The following SEMA6D variants were observed in gnomAD, a reference collection of about 807,000 sequenced individuals.
SEMA6D encodes the protein semaphorin 6D, also known as semaphorin-6D.
A neutral mutation model predicts 106.6 loss-of-function variants in SEMA6D; 35 were observed. That is an observed-to-expected ratio of 0.33 (90% confidence interval 0.25 to 0.44). The LOEUF is 0.44. SEMA6D is among the 20% of genes least tolerant of loss of function. The probability of loss-of-function intolerance (pLI) is 1.00; values close to 1 mark genes in which losing one functional copy is unlikely to be tolerated. For missense variants in SEMA6D, 1,185 were observed against 1,345.9 expected, an observed-to-expected ratio of 0.88 and a Z score of 1.87; for synonymous variants, 499 against 487.7, an observed-to-expected ratio of 1.02 and a Z score of -0.31.
rs114318532 is a variant in SEMA6D, at chr15:47,552,178, G to T, written c.-86-48687G>T. Among the ~76,000 whole-genome samples the T allele has an allele frequency of 4.0e-3, 612 of 152,246 alleles. 6 individuals carry two copies. Among genetic ancestry groups the T allele is most frequent in the African/African-American group, 0.014 (590 of 41,550 alleles). On this transcript the variant is annotated intron_variant, in intron 3 of 19. Transcript: ENST00000558014. ...CAGACATTCTGAAGAATATTTTGCAGTTGTTAAACTGGTGGTTCTGAAGTC... is the reference window on the plus strand; with the variant it reads ...CAGACATTCTGAAGAATATTTTGCATTTGTTAAACTGGTGGTTCTGAAGTC...
intron 4 of SEMA6D, among the ~76,000 whole-genome samples, chr15:47,694,049 A>G (rs185778526): frequency 2.0e-5 from 3 of 152,278 alleles, no homozygotes; most frequent in Admixed American, 2.0e-4. Context: ...CATTAGTTTA[A>G]AGGAGTGGTC....
intron 1 of SEMA6D, among the ~76,000 whole-genome samples, chr15:47,283,443 G>A (rs1240062051): frequency 6.6e-6 from 1 of 152,132 alleles, no homozygotes; most frequent in Non-Finnish European, 1.5e-5. Flanking sequence ...GGAGGTTTTG[G>A]TGTTTACTTA....
chr15:47,548,643 C>T (rs2045593937), intron 3 of SEMA6D, among the ~76,000 whole-genome samples: 1 of 152,094 alleles, frequency 6.6e-6, no homozygotes, highest in South Asian at 2.1e-4. Flanking sequence ...GAGAGAATCC[C>T]CTCCAGTATG....
chr15:47,352,620 C>T (rs1276941680), intron 1 of SEMA6D, among the ~76,000 whole-genome samples: 1 of 152,170 alleles, frequency 6.6e-6, no homozygotes, highest in Non-Finnish European at 1.5e-5. Flanking sequence ...CTAACTCCAT[C>T]CTCAATTGTA....
intron 4 of SEMA6D, among the ~76,000 whole-genome samples, chr15:47,709,764 C>A (rs1430782680): frequency 6.6e-6 from 1 of 151,980 alleles, no homozygotes; most frequent in Non-Finnish European, 1.5e-5. Context: ...AAAGGGCCAA[C>A]TTTGTTTCCA....
chr15:47,645,391 G>A (rs1189658161), intron 4 of SEMA6D, among the ~76,000 whole-genome samples: 1 of 152,132 alleles, frequency 6.6e-6, no homozygotes, highest in African/African-American at 2.4e-5. Context: ...TTCTCTCCTA[G>A]CCTTCTCTTT....
chr15:47,358,936 C>CA (rs1295812538), intron 1 of SEMA6D, among the ~76,000 whole-genome samples: 3 of 152,176 alleles, frequency 2.0e-5, no homozygotes, highest in African/African-American at 7.2e-5. Flanking sequence ...GTGGGCCTTC[C>CA]AGGGAGTCAC....
intron 3 of SEMA6D, among the ~76,000 whole-genome samples, chr15:47,538,150 T>A (rs1226501936): frequency 6.6e-6 from 1 of 152,154 alleles, no homozygotes. Flanking sequence ...ATGAGATATT[T>A]TCTCAAAAAC....
At chr15:47,552,468 ATGTG>A (rs141932315) in intron 3 of SEMA6D, among the ~76,000 whole-genome samples, 2 of 145,584 alleles carry the variant, frequency 1.4e-5, no homozygotes, top group South Asian at 2.2e-4. Flanking sequence ...ATGGCAATGT[ATGTG>A]TGTGTGTGTG....
At chr15:47,642,707 A>T (rs1449155434) in intron 4 of SEMA6D, among the ~76,000 whole-genome samples, 1 of 152,136 alleles carries the variant, frequency 6.6e-6, no homozygotes, top group Non-Finnish European at 1.5e-5. Context: ...GGGAACCATC[A>T]CTTCTGGGGG....
chr15:47,459,456 G>C (rs1435693233), intron 2 of SEMA6D, among the ~76,000 whole-genome samples: 3 of 152,026 alleles, frequency 2.0e-5, no homozygotes, highest in African/African-American at 7.2e-5. Context: ...CTTGCAGATG[G>C]CTTGATTATT....
intron 4 of SEMA6D, among the ~76,000 whole-genome samples, chr15:47,711,123 A>T (rs938404870): frequency 2.6e-5 from 4 of 151,368 alleles, no homozygotes; most frequent in African/African-American, 9.7e-5. Context: ...TCCCGGCTAA[A>T]ACGGTGAAAC....
chr15:47,771,337 G>T lies in SEMA6D; in HGVS notation c.2774G>T (p.Arg925Leu). ...GAGGTCCCACCTAAAGTCCCTAACC[G>T]GGAGGCATCGCTATACTCCCCTCCT... The part of the protein sequence containing the change: ...MSEVPPKVPN[R>L]EASLYSPPST... The change falls in exon 19 of 19, where the codon CGG (arginine) becomes CTG (leucine). Residue 925 changes from arginine (R) to leucine (L), a missense_variant. This residue lies in a region of SEMA6D where 750 missense variants were observed against 783.5 expected (regional missense o/e 0.96). Transcript: ENST00000536845. 6.2e-7 allele frequency: 1 copy of T among 1,613,866 alleles called. No homozygotes were observed. Among genetic ancestry groups the T allele is most frequent in the Middle Eastern group, 1.7e-4 (1 of 6,058 alleles).
chr15:47,656,006 T>C (rs570844882), intron 4 of SEMA6D, among the ~76,000 whole-genome samples: 6 of 152,352 alleles, frequency 3.9e-5, no homozygotes, highest in African/African-American at 1.4e-4. Flanking sequence ...TTTCAACAGT[T>C]TATTTAATGC....
chr15:47,441,305 A>C (rs1029255737), intron 2 of SEMA6D, among the ~76,000 whole-genome samples: 1 of 152,124 alleles, frequency 6.6e-6, no homozygotes, highest in Non-Finnish European at 1.5e-5. Context: ...GGTGAAAGAC[A>C]AGTTAAACAG....
At chr15:47,407,459 C>T (rs16959420) in intron 1 of SEMA6D, among the ~76,000 whole-genome samples, 83,510 of 147,246 alleles carry the variant, frequency 0.57, 25,043 homozygotes, top group Middle Eastern at 0.7. Context: ...TGAACAATTC[C>T]AAACAACCAG....
At chr15:47,364,211 C>T (rs543934540) in intron 1 of SEMA6D, among the ~76,000 whole-genome samples, 2 of 152,224 alleles carry the variant, frequency 1.3e-5, no homozygotes, top group South Asian at 2.1e-4. Flanking sequence ...AGACTTGCTC[C>T]GAAACAAAAC....
At position 47,648,479 on chromosome 15, in the gene SEMA6D, A is replaced by AGAATGAATGAATGAATGAATGAAT. The variant is rs112820950; in HGVS notation, c.-55+47587_-55+47610dup. On this transcript the variant is annotated intron_variant, in intron 4 of 19. Transcript: ENST00000558014. ...CCCTGAACTGGAATAACTGGGTTGGAGAATGAATGAATGAATGAATGAATG... is the reference window on the plus strand; with the variant it reads ...CCCTGAACTGGAATAACTGGGTTGGAGAATGAATGAATGAATGAATGAATGAATGAATGAATGAATGAATGAATG... Among the ~76,000 whole-genome samples the AGAATGAATGAATGAATGAATGAAT allele has an allele frequency of 1.2e-3, 185 of 151,062 alleles. 1 individual carries two copies. Among genetic ancestry groups the AGAATGAATGAATGAATGAATGAAT allele is most frequent in the African/African-American group, 4.2e-3 (174 of 41,090 alleles).
At chr15:47,398,155 G>T (rs1453042515) in intron 1 of SEMA6D, among the ~76,000 whole-genome samples, 1 of 152,166 alleles carries the variant, frequency 6.6e-6, no homozygotes, top group African/African-American at 2.4e-5. Flanking sequence ...AAATGATTAA[G>T]AATTTTTCCC....
Sources: allele counts gnomAD v4.1 joint callset (sites outside exome capture counted in the v4.1 genomes callset), GRCh38; gene constraint gnomAD v4.1.1; regional missense constraint gnomAD v4.1.1; transcripts MANE v1.5; gene names NCBI Gene and HGNC (gene_info 2026-07-23, HGNC 2026-07-21).